The following MTUS2 variants were observed in gnomAD, a reference collection of about 807,000 sequenced individuals.
MTUS2 encodes microtubule-associated tumor suppressor candidate 2.
MTUS2 carries 40 observed loss-of-function variants against 114.1 expected under a neutral mutation model. That is an observed-to-expected ratio of 0.35 (90% CI 0.27 to 0.46). The LOEUF (loss-of-function observed/expected upper bound fraction) is 0.46. MTUS2 is among the 20% of genes least tolerant of loss of function. The pLI is 1.00. For synonymous variants in MTUS2, 688 were observed against 672.0 expected (o/e 1.02, Z -0.37); for missense variants, 1,679 against 1,705.4 (o/e 0.98, Z 0.27).
chr13:29,038,326 G>T (rs1179496359), intron 4 of MTUS2, among the ~76,000 whole-genome samples: 2 of 152,194 alleles, frequency 1.3e-5, no homozygotes, highest in Non-Finnish European at 2.9e-5. Flanking sequence ...GAGTTTGCTG[G>T]AGGTCCACTC....
chr13:29,324,501 C>G, intron 6 of MTUS2, 112 bp from the exon 7 acceptor site: 2 of 709,250 alleles, frequency 2.8e-6, no homozygotes, highest in Non-Finnish European at 4.8e-6. Flanking sequence ...CCAAATATTT[C>G]TTTTGTTGAT....
At chr13:28,932,873 T>C (rs1881689290) in intron 2 of MTUS2, among the ~76,000 whole-genome samples, 1 of 152,164 alleles carries the variant, frequency 6.6e-6, no homozygotes, top group Admixed American at 6.5e-5. Flanking sequence ...GTTAGTGCAG[T>C]GCTTGACTCT....
chr13:28,896,341 C>G (rs987351991), intron 2 of MTUS2, among the ~76,000 whole-genome samples: 4 of 152,238 alleles, frequency 2.6e-5, no homozygotes, highest in East Asian at 1.9e-4. Flanking sequence ...ATCCAACTTA[C>G]AAGGGACGTG....
chr13:29,328,712 G>C (rs1163862935), intron 7 of MTUS2, among the ~76,000 whole-genome samples: 1 of 152,172 alleles, frequency 6.6e-6, no homozygotes, highest in Non-Finnish European at 1.5e-5. Flanking sequence ...CCTAGAAAGG[G>C]AGAGGTCTGA....
chr13:29,340,160 C>T (rs1901319305), intron 7 of MTUS2, among the ~76,000 whole-genome samples: 1 of 152,306 alleles, frequency 6.6e-6, no homozygotes, highest in East Asian at 1.9e-4. Context: ...GGTGCAGCTG[C>T]AGCGGGGGAG....
At chr13:29,059,686 C>T (rs1888318146) in intron 4 of MTUS2, among the ~76,000 whole-genome samples, 1 of 152,194 alleles carries the variant, frequency 6.6e-6, no homozygotes, top group African/African-American at 2.4e-5. Context: ...AAAGTGCTAG[C>T]AGTCATGGCT....
intron 2 of MTUS2, among the ~76,000 whole-genome samples, chr13:28,996,877 G>A (rs1885137562): frequency 6.6e-6 from 1 of 151,960 alleles, no homozygotes; most frequent in Non-Finnish European, 1.5e-5. Context: ...TTTTTTGAAG[G>A]GATTTTTGTG....
intron 2 of MTUS2, among the ~76,000 whole-genome samples, chr13:28,935,290 CAGG>C (rs888706006): frequency 2.0e-5 from 3 of 152,050 alleles, no homozygotes; most frequent in Non-Finnish European, 2.9e-5. Context: ...TTGTTCTAAA[CAGG>C]AGTAAAATTG....
At chr13:29,320,851 A>G (rs1209345340) in intron 6 of MTUS2, among the ~76,000 whole-genome samples, 4 of 152,214 alleles carry the variant, frequency 2.6e-5, no homozygotes, top group African/African-American at 9.6e-5. Context: ...AGAATGAATC[A>G]GGGGCCAGAC....
chr13:28,996,108 G>C (rs537859604), intron 2 of MTUS2, among the ~76,000 whole-genome samples: 1 of 152,090 alleles, frequency 6.6e-6, no homozygotes, highest in East Asian at 1.9e-4. Flanking sequence ...TTAGCATGAA[G>C]GGTTGTTGAA....
At chr13:28,825,376 G>A (rs1874195310) in intron 1 of MTUS2, among the ~76,000 whole-genome samples, 1 of 152,210 alleles carries the variant, frequency 6.6e-6, no homozygotes, top group South Asian at 2.1e-4. Context: ...GTGGACAGTG[G>A]AAACCACACG....
intron 8 of MTUS2, among the ~76,000 whole-genome samples, chr13:29,393,813 T>G (rs1274515585): frequency 6.6e-6 from 1 of 152,066 alleles, no homozygotes; most frequent in African/African-American, 2.4e-5. Context: ...AGATGAACAT[T>G]GGTTGGGTCT....
chr13:29,331,004 T>G (rs1222678449), intron 7 of MTUS2, among the ~76,000 whole-genome samples: 1 of 152,212 alleles, frequency 6.6e-6, no homozygotes. Flanking sequence ...GGGATAGCAC[T>G]GAATCTATGA....
chr13:29,095,079 A>C (rs78060474), intron 4 of MTUS2, among the ~76,000 whole-genome samples: 3,793 of 152,164 alleles, frequency 0.025, 171 homozygotes, highest in African/African-American at 0.087. Flanking sequence ...TTATGGCCTA[A>C]GATATAGTTT....
At chr13:29,262,985 T>C (rs1897533450) in intron 5 of MTUS2, among the ~76,000 whole-genome samples, 1 of 152,172 alleles carries the variant, frequency 6.6e-6, no homozygotes, top group Admixed American at 6.5e-5. Flanking sequence ...TATATGCACT[T>C]TCTCATTTAA....
chr13:29,312,548 G>A (rs1899817369), intron 6 of MTUS2, among the ~76,000 whole-genome samples: 1 of 152,174 alleles, frequency 6.6e-6, no homozygotes, highest in African/African-American at 2.4e-5. Context: ...ATTTTATTGT[G>A]CTTTTGAATT....
chr13:28,822,879 CAT>C lies in MTUS2; in HGVS notation c.-316+2270_-316+2271del, dbSNP rs530873735. 6.6e-5 allele frequency among the ~76,000 whole-genome samples: 10 copies of C among 152,294 alleles called. 1 individual carries two copies. The South Asian group carries it at 2.1e-3, about 32-fold the overall frequency. ...AAGATGAAAAAAATCTGTACAATAT[CAT>C]AGTTGACTTGCTGAGAAAATGCAAA... On this transcript the variant is annotated intron_variant, in intron 1 of 15. Coordinates refer to ENST00000612955, the MANE Select transcript of MTUS2 (RefSeq NM_001033602.4).
intron 4 of MTUS2, among the ~76,000 whole-genome samples, chr13:29,058,589 ATTTT>A (rs1278595986): frequency 1.8e-5 from 2 of 113,016 alleles, no homozygotes; most frequent in African/African-American, 6.6e-5. Context: ...TTTAATTATT[ATTTT>A]TTTATTTTTT....
intron 3 of MTUS2, among the ~76,000 whole-genome samples, chr13:29,032,406 T>G (rs1372948337): frequency 6.6e-6 from 1 of 152,150 alleles, no homozygotes; most frequent in African/African-American, 2.4e-5. Flanking sequence ...TGATATTAAT[T>G]TCTTCATAAG....
Sources: gnomAD v4.1 joint callset for allele counts (sites outside exome capture counted in the v4.1 genomes callset) on GRCh38, gnomAD v4.1.1 for gene constraint, MANE v1.5 for transcripts, NCBI Gene and HGNC (gene_info 2026-07-23, HGNC 2026-07-21) for gene names.